The following AFF2 variants were observed in gnomAD, a reference collection of about 807,000 sequenced individuals.
AFF2 encodes AF4/FMR2 family member 2.
AFF2 carries 14 observed loss-of-function variants against 76.9 expected under a neutral mutation model. That is an observed-to-expected ratio of 0.18 (90% CI 0.12 to 0.28). The LOEUF (loss-of-function observed/expected upper bound fraction) is 0.28, where lower values mean the gene tolerates loss of function less well. AFF2 is among the 10% of genes least tolerant of loss of function. The pLI, the probability that AFF2 is intolerant of heterozygous loss-of-function variation, is 1.00. For synonymous variants in AFF2, 398 were observed against 366.7 expected, an observed-to-expected ratio of 1.09 and a Z score of -0.98; for missense variants, 868 against 1,001.1, an observed-to-expected ratio of 0.87 and a Z score of 1.79.
chrX:148,869,814 C>T (rs1040835738), intron 7 of AFF2, among the ~76,000 whole-genome samples: 2 of 111,626 alleles, frequency 1.8e-5, no homozygotes, highest in African/African-American at 6.5e-5. Context: ...AGGCCTCCCT[C>T]CTTGGCTTGT....
At chrX:148,803,111 A>T (rs1382136843) in intron 3 of AFF2, among the ~76,000 whole-genome samples, 1 of 111,308 alleles carries the variant, frequency 9.0e-6, no homozygotes, top group Non-Finnish European at 1.9e-5. Flanking sequence ...GGTATCCTGT[A>T]GGCCCTGAGG....
intron 9 of AFF2, among the ~76,000 whole-genome samples, chrX:148,944,926 C>T (rs1209959016): frequency 1.8e-5 from 2 of 111,583 alleles, no homozygotes; most frequent in East Asian, 2.8e-4. Context: ...GCTACATCTC[C>T]GTATTCTCAG....
chrX:148,738,334 G>T (rs2055310305), intron 3 of AFF2, among the ~76,000 whole-genome samples: 1 of 110,820 alleles, frequency 9.0e-6, no homozygotes, highest in Non-Finnish European at 1.9e-5. Flanking sequence ...AATACTTCCT[G>T]ATTTAAGCTA....
intron 1 of AFF2, among the ~76,000 whole-genome samples, chrX:148,533,435 G>A (rs182885184): frequency 1.7e-3 from 184 of 109,778 alleles, no homozygotes; most frequent in African/African-American, 5.9e-3. Context: ...TGGGACTACA[G>A]GCACCCACCA....
intron 3 of AFF2, among the ~76,000 whole-genome samples, chrX:148,712,177 C>G (rs2054975022): frequency 9.0e-6 from 1 of 111,729 alleles, no homozygotes; most frequent in African/African-American, 3.3e-5. Flanking sequence ...TTTTATTCTA[C>G]TATTTGTTCA....
chrX:148,782,572 A>G (rs1382079814), intron 3 of AFF2, among the ~76,000 whole-genome samples: 2 of 112,287 alleles, frequency 1.8e-5, no homozygotes, highest in Admixed American at 9.4e-5. Flanking sequence ...TTTGCTTGGT[A>G]TATTTTATTT....
chrX:148,814,631 G>A, intron 4 of AFF2, among the ~76,000 whole-genome samples: 1 of 111,513 alleles, frequency 9.0e-6, no homozygotes, highest in East Asian at 2.8e-4. Flanking sequence ...GGATCAGGTT[G>A]GTAAACACCT....
chrX:148,865,783 C>G (rs2124073426), intron 7 of AFF2, among the ~76,000 whole-genome samples: 1 of 111,925 alleles, frequency 8.9e-6, no homozygotes, highest in South Asian at 3.8e-4. Flanking sequence ...GTCATGAAAG[C>G]ATATCTTTGT....
chrX:148,755,377 A>G (rs1557266809), intron 3 of AFF2, among the ~76,000 whole-genome samples: 1 of 111,794 alleles, frequency 8.9e-6, no homozygotes, highest in Non-Finnish European at 1.9e-5. Flanking sequence ...GCTCTGAGTC[A>G]TGTTGTATTT....
At chrX:148,925,660 A>G (rs1399864524) in intron 9 of AFF2, among the ~76,000 whole-genome samples, 8 of 112,254 alleles carry the variant, frequency 7.1e-5, no homozygotes, top group African/African-American at 2.3e-4. Context: ...CTCACTGGGT[A>G]GTTTTGGGCA....
Position 148,820,155 on chromosome X carries a change from G to T in AFF2, c.1086+10235G>T, listed in dbSNP as rs781895422. On this transcript the variant is annotated intron_variant, in intron 4 of 20. Coordinates refer to ENST00000370460, the MANE Select transcript of AFF2 (RefSeq NM_002025.4). ...TAGATATATTATTTATATTTACAAA[G>T]AATTCTGCTTAAATGTTGGCTAGTA... 7.2e-5 allele frequency among the ~76,000 whole-genome samples: 8 copies of T among 111,435 alleles called. No individual in the cohort carries two copies. In the East Asian group the frequency reaches 2.0e-3, roughly 27 times the overall value.
In AFF2 at chrX:148,742,544, C is replaced by T. The variant is rs191559664; in HGVS notation, c.1042-67332C>T. On this transcript the variant is annotated intron_variant, in intron 3 of 20. Transcript: ENST00000370460. ...TTAGTTTGCTGAGGAATATAGCATG[C>T]TATAGTGGAGTAATTACTGCATCAG... Among the ~76,000 whole-genome samples, 9 of 111,521 alleles carry T rather than the reference C, an allele frequency of 8.1e-5. No individual in the cohort carries two copies. The East Asian group carries it at 1.7e-3, about 21-fold the overall frequency.
rs782491978 is a variant in AFF2 at position 148,685,830 on chromosome X, T to G, written c.1041+23062T>G. ...GTCTATTTATCTCTTTTGTAAATTT[T>G]CAGGGCTTTGACATAGAATGTGTCC... is the stretch of plus-strand genomic sequence containing the variant. On this transcript the variant is annotated intron_variant, in intron 3 of 20. Coordinates refer to ENST00000370460, the MANE Select transcript of AFF2 (RefSeq NM_002025.4). 1.2e-3 allele frequency among the ~76,000 whole-genome samples: 135 copies of G among 111,036 alleles called. 3 individuals carry two copies. Among genetic ancestry groups the G allele is most frequent in the Non-Finnish European group, 4.9e-4 (26 of 53,002 alleles).
chrX:148,897,289 T>C (rs1187745131), intron 8 of AFF2, among the ~76,000 whole-genome samples: 5 of 75,813 alleles, frequency 6.6e-5, no homozygotes, highest in Non-Finnish European at 1.0e-4. Context: ...GAAAAATATA[T>C]ATATCCATAT....
chrX:148,842,527 T>C (rs1557274349), intron 5 of AFF2, among the ~76,000 whole-genome samples: 1 of 112,456 alleles, frequency 8.9e-6, no homozygotes, highest in Non-Finnish European at 1.9e-5. Flanking sequence ...GATCTATTAA[T>C]TATCATTTTG....
chrX:148,815,868 G>T (rs2070258958), intron 4 of AFF2, among the ~76,000 whole-genome samples: 1 of 111,557 alleles, frequency 9.0e-6, no homozygotes, highest in Non-Finnish European at 1.9e-5. Flanking sequence ...AAATTTATCA[G>T]TTCCTGTATA....
At chrX:148,532,141 A>G (rs887325295) in intron 1 of AFF2, among the ~76,000 whole-genome samples, 2 of 111,924 alleles carry the variant, frequency 1.8e-5, no homozygotes, top group Non-Finnish European at 3.8e-5. Flanking sequence ...CACAAAACAT[A>G]TTGTTTAAAC....
chrX:148,938,533 G>A (rs1366469752), intron 9 of AFF2, among the ~76,000 whole-genome samples: 2 of 112,011 alleles, frequency 1.8e-5, no homozygotes, highest in East Asian at 2.8e-4. Context: ...ATAAACCATC[G>A]TATTAAAGGA....
intron 3 of AFF2, among the ~76,000 whole-genome samples, chrX:148,689,929 C>T (rs2054634545): frequency 8.9e-6 from 1 of 112,221 alleles, no homozygotes; most frequent in African/African-American, 3.2e-5. Context: ...AGCCGATTCT[C>T]TCTGTGTGTT....
Sources: gnomAD v4.1 joint callset for allele counts (sites outside exome capture counted in the v4.1 genomes callset) on GRCh38, gnomAD v4.1.1 for gene constraint, MANE v1.5 for transcripts, NCBI Gene and HGNC (gene_info 2026-07-23, HGNC 2026-07-21) for gene names.